The following RBFOX1 variants were observed in gnomAD, a reference collection of about 807,000 sequenced individuals.
RBFOX1 encodes the protein RNA binding fox-1 homolog 1.
A neutral mutation model predicts 57.7 loss-of-function variants in RBFOX1; 8 were observed. The observed-to-expected ratio is 0.14, with a 90% confidence interval of 0.08 to 0.25. The LOEUF (loss-of-function observed/expected upper bound fraction) is 0.25, where lower values mean the gene tolerates loss of function less well. RBFOX1 is among the 10% of genes least tolerant of loss of function. The pLI, the probability that RBFOX1 is intolerant of heterozygous loss-of-function variation, is 1.00. For missense variants in RBFOX1, 611 were observed against 548.5 expected (o/e 1.11, Z -1.14); for synonymous variants, 326 against 222.4 (o/e 1.47, Z -4.15).
chr16:5,837,041 C>G (rs1195840043), intron 3 of RBFOX1, among the ~76,000 whole-genome samples: 1 of 152,156 alleles, frequency 6.6e-6, no homozygotes, highest in Non-Finnish European at 1.5e-5. Context: ...TGCAGAAGTA[C>G]CCGTATTCCC....
At chr16:7,387,258 T>G (rs1030328896) in intron 4 of RBFOX1, among the ~76,000 whole-genome samples, 1 of 152,184 alleles carries the variant, frequency 6.6e-6, no homozygotes, top group African/African-American at 2.4e-5. Context: ...GCTAAATTAG[T>G]ATAGGATTAG....
intron 1 of RBFOX1, among the ~76,000 whole-genome samples, chr16:5,373,606 C>CT (rs566849528): frequency 0.072 from 10,569 of 146,588 alleles, 488 homozygotes; most frequent in African/African-American, 0.12. Context: ...AACGTCTTTT[C>CT]TTTTTTTTTT....
chr16:5,382,512 C>G (rs1169120451), intron 1 of RBFOX1, among the ~76,000 whole-genome samples: 1 of 151,978 alleles, frequency 6.6e-6, no homozygotes, highest in African/African-American at 2.4e-5. Context: ...CAATCTGTGG[C>G]CATTTCTGTA....
chr16:7,502,319 C>T (rs1296098612), intron 4 of RBFOX1, among the ~76,000 whole-genome samples: 2 of 152,170 alleles, frequency 1.3e-5, no homozygotes, highest in Non-Finnish European at 2.9e-5. Context: ...CAAGCACCTG[C>T]CCTTAAGGAG....
intron 2 of RBFOX1, among the ~76,000 whole-genome samples, chr16:6,545,335 C>T (rs1025307837): frequency 1.1e-4 from 16 of 152,246 alleles, no homozygotes; most frequent in Middle Eastern, 3.4e-3. Context: ...AAAATAAAAA[C>T]GGATAACTTG....
rs2052941334 is a variant in RBFOX1 at position 5,745,458 on chromosome 16, A to G, written c.319-121845A>G. The stretch of plus-strand genomic sequence containing the variant: ...TTTACAATCCTTTCAGTATATACCC[A>G]GTGATGGGATTGCTGGGTCAAATGA... On this transcript the variant is annotated intron_variant, in intron 3 of 19. Coordinates refer to the RBFOX1 transcript ENST00000641259. Among the ~76,000 whole-genome samples the G allele has an allele frequency of 1.3e-5, 2 of 152,236 alleles. 1 individual carries two copies. The highest frequency in any genetic ancestry group is 4.1e-4 in the South Asian group (2 of 4,838).
chr16:6,502,825 T>C (rs2095976901), intron 2 of RBFOX1, among the ~76,000 whole-genome samples: 1 of 152,200 alleles, frequency 6.6e-6, no homozygotes. Context: ...TTCTATTCTA[T>C]TCTCGCTGGT....
At chr16:6,511,843 C>G (rs1051580017) in intron 2 of RBFOX1, among the ~76,000 whole-genome samples, 1 of 152,150 alleles carries the variant, frequency 6.6e-6, no homozygotes, top group Non-Finnish European at 1.5e-5. Flanking sequence ...CGGCTTTCTT[C>G]TTTTGATAAT....
intron 1 of RBFOX1, among the ~76,000 whole-genome samples, chr16:6,072,689 G>T (rs2095851625): frequency 6.6e-6 from 1 of 151,170 alleles, no homozygotes; most frequent in Non-Finnish European, 1.5e-5. Flanking sequence ...TTTCATTTTG[G>T]TTTTGATTTG....
At chr16:6,506,546 T>C (rs1001285596) in intron 2 of RBFOX1, among the ~76,000 whole-genome samples, 1 of 151,636 alleles carries the variant, frequency 6.6e-6, no homozygotes, top group Non-Finnish European at 1.5e-5. Flanking sequence ...GGGACATCTA[T>C]GGACCCACAG....
chr16:7,195,628 A>C (rs1395822405), intron 4 of RBFOX1, among the ~76,000 whole-genome samples: 2 of 151,894 alleles, frequency 1.3e-5, no homozygotes, highest in African/African-American at 4.8e-5. Flanking sequence ...TGGGATCTCA[A>C]CTCACTGCAA....
chr16:6,567,238 C>T (rs1567710247), intron 2 of RBFOX1, among the ~76,000 whole-genome samples: 2 of 152,296 alleles, frequency 1.3e-5, no homozygotes, highest in Non-Finnish European at 1.5e-5. Context: ...TCCTAATCTC[C>T]AAATTTCATT....
At chr16:5,903,337 C>T (rs566277609) in intron 4 of RBFOX1, among the ~76,000 whole-genome samples, 2 of 152,302 alleles carry the variant, frequency 1.3e-5, no homozygotes, top group Non-Finnish European at 1.5e-5. Flanking sequence ...TCAACCTGTC[C>T]TCTGAGAAGT....
intron 2 of RBFOX1, among the ~76,000 whole-genome samples, chr16:6,621,606 C>G (rs116309381): frequency 0.013 from 1,995 of 152,292 alleles, 57 homozygotes; most frequent in African/African-American, 0.045. Flanking sequence ...GTACCAGGGA[C>G]TAGGAAGTGG....
chr16:6,411,896 G>A (rs867818635), intron 2 of RBFOX1, among the ~76,000 whole-genome samples: 3 of 152,150 alleles, frequency 2.0e-5, no homozygotes, highest in Admixed American at 6.5e-5. Context: ...CACTTTGGGC[G>A]GCTGAGGTGG....
intron 4 of RBFOX1, among the ~76,000 whole-genome samples, chr16:7,399,592 A>G (rs1465720152): frequency 6.6e-6 from 1 of 152,170 alleles, no homozygotes; most frequent in Non-Finnish European, 1.5e-5. Context: ...AATACCTGAC[A>G]TTTCTGGGCT....
rs139749938 is a variant in RBFOX1 at position 5,353,870 on chromosome 16, C to T, written c.220-113346C>T. Among the ~76,000 whole-genome samples, 1,039 of 152,086 alleles carry T rather than the reference C, an allele frequency of 6.8e-3. 17 individuals carry two copies. Among genetic ancestry groups the T allele is most frequent in the African/African-American group, 0.023 (964 of 41,488 alleles). Reference sequence around the variant, plus strand: ...GGATACAGAGATCAACAAGACATGGCCTTTGCTCTCAGAGGGTCTTGCTGT... The same window carrying T: ...GGATACAGAGATCAACAAGACATGGTCTTTGCTCTCAGAGGGTCTTGCTGT... On this transcript the variant is annotated intron_variant, in intron 1 of 2. Transcript: ENST00000585867.
intron 4 of RBFOX1, among the ~76,000 whole-genome samples, chr16:7,191,032 A>G (rs1241706821): frequency 6.6e-6 from 1 of 152,058 alleles, no homozygotes; most frequent in Non-Finnish European, 1.5e-5. Context: ...TAGTGTCTAG[A>G]TGATCAATCC....
At chr16:7,481,630 A>T (rs1261369663) in intron 4 of RBFOX1, among the ~76,000 whole-genome samples, 1 of 152,234 alleles carries the variant, frequency 6.6e-6, no homozygotes, top group Non-Finnish European at 1.5e-5. Context: ...AATATCTTCT[A>T]TTGAAAACAT....
Sources: gnomAD v4.1 joint callset for allele counts (sites outside exome capture counted in the v4.1 genomes callset) on GRCh38, gnomAD v4.1.1 for gene constraint, MANE v1.5 for transcripts, NCBI Gene and HGNC (gene_info 2026-07-23, HGNC 2026-07-21) for gene names.